ADARB2: variants seen among roughly 807,000 people sequenced by gnomAD.
ADARB2 encodes the protein inactive double-stranded RNA-specific editase B2.
Under a neutral mutation model 62.2 loss-of-function variants are expected in ADARB2, and 25 were observed. That is an observed-to-expected ratio of 0.40 (90% CI 0.29 to 0.56). The LOEUF is 0.56. Among genes scored for constraint, ADARB2 ranks in the 20% least tolerant of loss-of-function variants. ADARB2 has a pLI of 0.43. For synonymous variants in ADARB2, 572 were observed against 500.8 expected, an observed-to-expected ratio of 1.14 and a Z score of -1.90; for missense variants, 1,071 against 1,077.4, an observed-to-expected ratio of 0.99 and a Z score of 0.08.
intron 3 of ADARB2, among the ~76,000 whole-genome samples, chr10:1,341,526 G>T (rs1282955261): frequency 2.1e-5 from 3 of 144,946 alleles, no homozygotes; most frequent in Non-Finnish European, 4.5e-5. Flanking sequence ...CCCCACAGCG[G>T]CAATAACAAG....
intron 1 of ADARB2, among the ~76,000 whole-genome samples, chr10:1,466,930 T>C (rs1299969131): frequency 6.6e-6 from 1 of 151,674 alleles, no homozygotes. Flanking sequence ...GGTTGGAGAG[T>C]TCTATGGAGA....
chr10:1,537,945 G>A (rs950082354), intron 1 of ADARB2, among the ~76,000 whole-genome samples: 2 of 152,200 alleles, frequency 1.3e-5, no homozygotes, highest in East Asian at 1.9e-4. Flanking sequence ...AAACCTGCAC[G>A]TTCTGCACAT....
At chr10:1,474,353 T>A (rs911631086) in intron 1 of ADARB2, among the ~76,000 whole-genome samples, 37 of 152,252 alleles carry the variant, frequency 2.4e-4, no homozygotes, top group African/African-American at 8.7e-4. Flanking sequence ...GGGATGAGCT[T>A]CCATGATGGA....
At chr10:1,556,479 C>T in intron 1 of ADARB2, 1 of 359,434 alleles carries the variant, frequency 2.8e-6, no homozygotes, top group South Asian at 2.1e-5. Flanking sequence ...TATTCCCTTC[C>T]CTCTTACTCC....
intron 1 of ADARB2, among the ~76,000 whole-genome samples, chr10:1,493,677 G>A (rs1305845968): frequency 7.3e-6 from 1 of 137,006 alleles, no homozygotes. Context: ...AATGTGCAAA[G>A]TAGAGATGGA....
intron 3 of ADARB2, among the ~76,000 whole-genome samples, chr10:1,352,605 T>C (rs1395541794): frequency 6.6e-6 from 1 of 152,234 alleles, no homozygotes; most frequent in East Asian, 1.9e-4. Context: ...GCCACTGCCT[T>C]AATACTTTTA....
rs568460357 is a variant in ADARB2, at chr10:1,409,713, G to A, written c.101-30553C>T. Among the ~76,000 whole-genome samples, 40 of 120,406 alleles carry A rather than the reference G, an allele frequency of 3.3e-4. 2 individuals carry two copies. Among genetic ancestry groups the A allele is most frequent in the African/African-American group, 1.0e-3 (37 of 36,912 alleles). 79.0% of individuals were successfully genotyped at this position (120,406 alleles called of 152,430 possible). A position where few individuals can be genotyped will look rare whatever the true frequency, so the allele number is the denominator to read the frequency against. ...TTCTCAGTGGTGCTGAGGCGTGGCTGTGGTCATGAGGAAGGATTCTCAGTG... is the reference window on the plus strand; with the variant it reads ...TTCTCAGTGGTGCTGAGGCGTGGCTATGGTCATGAGGAAGGATTCTCAGTG... On this transcript the variant is annotated intron_variant, in intron 1 of 9. Coordinates refer to ENST00000381312, the MANE Select transcript of ADARB2 (RefSeq NM_018702.4).
intron 1 of ADARB2, among the ~76,000 whole-genome samples, chr10:1,448,354 G>A (rs906043407): frequency 1.3e-5 from 2 of 152,150 alleles, no homozygotes; most frequent in African/African-American, 4.8e-5. Context: ...GTGAACATGG[G>A]TTTTATGTAT....
chr10:1,521,905 C>T (rs986235196), intron 1 of ADARB2, among the ~76,000 whole-genome samples: 5 of 152,006 alleles, frequency 3.3e-5, no homozygotes, highest in Non-Finnish European at 4.4e-5. Flanking sequence ...AACCAAGCTG[C>T]GCCCCGACCA....
chr10:1,622,061 C>A (rs907931584), intron 1 of ADARB2, among the ~76,000 whole-genome samples: 2 of 152,206 alleles, frequency 1.3e-5, no homozygotes, highest in African/African-American at 4.8e-5. Flanking sequence ...CCATGGGCAA[C>A]TAATTCCTCC....
intron 1 of ADARB2, among the ~76,000 whole-genome samples, chr10:1,664,249 C>T (rs1207371422): frequency 2.0e-5 from 3 of 150,622 alleles, no homozygotes; most frequent in South Asian, 2.1e-4. Context: ...TCTGTGTGCC[C>T]GTGTTTCCAT....
At chr10:1,252,169 T>C (rs189487492) in intron 4 of ADARB2, among the ~76,000 whole-genome samples, 364 of 152,324 alleles carry the variant, frequency 2.4e-3, no homozygotes, top group Middle Eastern at 6.8e-3. Context: ...TTTCTTATAC[T>C]GTATCTGGTT....
At chr10:1,559,429 C>T (rs1439904658) in intron 1 of ADARB2, among the ~76,000 whole-genome samples, 1 of 152,208 alleles carries the variant, frequency 6.6e-6, no homozygotes, top group Admixed American at 6.5e-5. Context: ...GAGGGTCCTC[C>T]AGAGGCTGGT....
chr10:1,504,240 C>A (rs916171688), intron 1 of ADARB2, among the ~76,000 whole-genome samples: 1 of 152,254 alleles, frequency 6.6e-6, no homozygotes, highest in Admixed American at 6.5e-5. Flanking sequence ...AGCAGCAGCT[C>A]TCACACTGTG....
intron 5 of ADARB2, among the ~76,000 whole-genome samples, chr10:1,241,134 C>T (rs1278695870): frequency 2.0e-5 from 3 of 152,146 alleles, no homozygotes; most frequent in Non-Finnish European, 4.4e-5. Flanking sequence ...TGGTGAACGC[C>T]TGTAGACCCA....
chr10:1,368,989 G>A (rs10794741), intron 2 of ADARB2, among the ~76,000 whole-genome samples: 69,709 of 93,600 alleles, frequency 0.74, 28,484 homozygotes, highest in Non-Finnish European at 0.97. Context: ...TGGCGCTCTG[G>A]GCTCTGAGGC....
At chr10:1,301,614 C>T (rs1258716709) in intron 3 of ADARB2, among the ~76,000 whole-genome samples, 2 of 152,054 alleles carry the variant, frequency 1.3e-5, no homozygotes, top group African/African-American at 4.8e-5. Context: ...CTTCAGGGTT[C>T]ATTAATTTGG....
chr10:1,233,966 C>CTT (rs1369696317), intron 5 of ADARB2, 121 bp from the exon 6 acceptor site: 1 of 745,556 alleles, frequency 1.3e-6, no homozygotes, highest in Non-Finnish European at 1.7e-6. Flanking sequence ...TATATTTTTC[C>CTT]TTTTTTTTTT....
intron 4 of ADARB2, among the ~76,000 whole-genome samples, chr10:1,262,479 T>G (rs537760725): frequency 2.0e-5 from 3 of 152,070 alleles, no homozygotes; most frequent in African/African-American, 7.2e-5. Context: ...GGCGAAGGTA[T>G]GAACAGACAC....
Sources: allele counts gnomAD v4.1 joint callset (sites outside exome capture counted in the v4.1 genomes callset), GRCh38; gene constraint gnomAD v4.1.1; transcripts MANE v1.5; gene names NCBI Gene and HGNC (gene_info 2026-07-23, HGNC 2026-07-21).